Variants in AGBL4 observed in about 807,000 individuals in gnomAD.
AGBL4 encodes AGBL carboxypeptidase 4.
Under a neutral mutation model 66.4 loss-of-function variants are expected in AGBL4, and 58 were observed. That is an observed-to-expected ratio of 0.87 (90% CI 0.71 to 1.09). The LOEUF is 1.09. AGBL4 is among the 50% of genes least tolerant of loss of function. The probability of loss-of-function intolerance (pLI) is 0.00; values close to 1 mark genes in which losing one functional copy is unlikely to be tolerated. For synonymous variants in AGBL4, 234 were observed against 222.9 expected, an observed-to-expected ratio of 1.05 and a Z score of -0.44; for missense variants, 579 against 631.0, an observed-to-expected ratio of 0.92 and a Z score of 0.88.
intron 6 of AGBL4, among the ~76,000 whole-genome samples, chr1:48,836,065 A>T (rs556607240): frequency 6.6e-6 from 1 of 152,168 alleles, no homozygotes; most frequent in South Asian, 2.1e-4. Context: ...GGACTATTGC[A>T]GTAGTTCAGA....
intron 4 of AGBL4, among the ~76,000 whole-genome samples, chr1:49,072,908 T>G (rs145129156): frequency 0.063 from 9,543 of 152,260 alleles, 863 homozygotes; most frequent in African/African-American, 0.21. Flanking sequence ...TCTTTTCACA[T>G]AGTCCCATAT....
chr1:49,577,812 A>T (rs1644465712), intron 3 of AGBL4, among the ~76,000 whole-genome samples: 1 of 152,234 alleles, frequency 6.6e-6, no homozygotes, highest in Non-Finnish European at 1.5e-5. Flanking sequence ...AGTCACAATT[A>T]CAATGCCAAC....
intron 1 of AGBL4, among the ~76,000 whole-genome samples, chr1:49,887,199 A>G (rs546495782): frequency 4.1e-4 from 61 of 149,622 alleles, no homozygotes; most frequent in East Asian, 1.4e-3. Context: ...ATGTGTATGT[A>G]TATATATATA....
At chr1:49,727,321 C>A (rs1406012330) in intron 2 of AGBL4, among the ~76,000 whole-genome samples, 1 of 152,040 alleles carries the variant, frequency 6.6e-6, no homozygotes, top group Non-Finnish European at 1.5e-5. Context: ...CTAAATTTTT[C>A]TTTCCACAAG....
chr1:49,135,560 G>A (rs1645994673), intron 4 of AGBL4, among the ~76,000 whole-genome samples: 1 of 152,120 alleles, frequency 6.6e-6, no homozygotes, highest in Non-Finnish European at 1.5e-5. Flanking sequence ...CATTAGCATT[G>A]TTTCTACAGA....
intron 3 of AGBL4, among the ~76,000 whole-genome samples, chr1:49,430,148 C>T (rs1354938674): frequency 6.6e-6 from 1 of 152,032 alleles, no homozygotes; most frequent in African/African-American, 2.4e-5. Context: ...ACACCATGCC[C>T]GGCCACATAT....
At chr1:49,759,279 C>A (rs1652127603) in intron 2 of AGBL4, among the ~76,000 whole-genome samples, 1 of 152,170 alleles carries the variant, frequency 6.6e-6, no homozygotes, top group Non-Finnish European at 1.5e-5. Flanking sequence ...CTGTAGTTTT[C>A]TTCACTAAAA....
chr1:49,690,137 T>C (rs892246389), intron 3 of AGBL4, among the ~76,000 whole-genome samples: 3 of 152,214 alleles, frequency 2.0e-5, no homozygotes, highest in Non-Finnish European at 4.4e-5. Flanking sequence ...AATTTTTTTT[T>C]TGCAATAAAG....
At chr1:48,818,805 C>T (rs1221851742) in intron 6 of AGBL4, among the ~76,000 whole-genome samples, 7 of 151,736 alleles carry the variant, frequency 4.6e-5, no homozygotes, top group South Asian at 2.1e-4. Flanking sequence ...AATATAGCAA[C>T]GGTGATAGTT....
intron 2 of AGBL4, among the ~76,000 whole-genome samples, chr1:49,824,426 T>C (rs1645453889): frequency 1.3e-5 from 2 of 152,202 alleles, no homozygotes; most frequent in South Asian, 2.1e-4. Flanking sequence ...TGTTTGAGCC[T>C]CACGATTTGT....
In AGBL4 at chr1:49,877,327, C is replaced by T. The variant is rs950150409; in HGVS notation, c.35-25809G>A. Among the ~76,000 whole-genome samples, 30 of 151,744 alleles carry T rather than the reference C, an allele frequency of 2.0e-4. 1 individual carries two copies. Among genetic ancestry groups the T allele is most frequent in the African/African-American group, 7.0e-4 (29 of 41,216 alleles). The stretch of plus-strand genomic sequence containing the variant: ...AGATAGCTCTTATTATTTTGAAATA[C>T]GTCCCATCAATACCTAATTTATTGA... On this transcript the variant is annotated intron_variant, in intron 1 of 13. Transcript: ENST00000371839.
chr1:49,077,180 C>A (rs896124741), intron 4 of AGBL4, among the ~76,000 whole-genome samples: 8 of 149,014 alleles, frequency 5.4e-5, no homozygotes, highest in African/African-American at 2.1e-4. Flanking sequence ...ACAACCAGCA[C>A]CTATCACATA....
At chr1:49,745,461 A>G (rs1232514834) in intron 2 of AGBL4, among the ~76,000 whole-genome samples, 3 of 152,044 alleles carry the variant, frequency 2.0e-5, no homozygotes, top group African/African-American at 7.2e-5. Context: ...TTGTAAGTCT[A>G]TATGTATAAG....
At chr1:49,348,057 T>A (rs942073784) in intron 3 of AGBL4, among the ~76,000 whole-genome samples, 1 of 152,028 alleles carries the variant, frequency 6.6e-6, no homozygotes, top group Non-Finnish European at 1.5e-5. Flanking sequence ...TAGTTAGAGA[T>A]CTTGAGGTTG....
rs1255151857 is a variant in AGBL4 at position 48,653,337 on chromosome 1, C to G, written c.839G>C (p.Arg280Thr). Reference sequence around the variant, plus strand: ...CCAAGCATTCTCCCCAATTCCTTACCTGTAATTGCCCAGGTAGACTCCATC... The same window carrying G: ...CCAAGCATTCTCCCCAATTCCTTACGTGTAATTGCCCAGGTAGACTCCATC... Reference protein sequence around the residue: ...NPDGVYLGNYRCSLMGFDLNR... With the variant: ...NPDGVYLGNYTCSLMGFDLNR... The change falls in exon 8 of 14, where the codon AGG becomes ACG. Residue 280 changes from arginine (R) to threonine (T), a missense_variant and splice_region_variant. Coordinates refer to ENST00000371839, the MANE Select transcript of AGBL4 (RefSeq NM_032785.4). 2 of 1,567,466 alleles carry G rather than the reference C, an allele frequency of 1.3e-6. No individual in the cohort carries two copies. Among genetic ancestry groups the G allele is most frequent in the Non-Finnish European group, 1.7e-6 (2 of 1,154,556 alleles).
chr1:49,214,680 A>G (rs1648937558), intron 4 of AGBL4, among the ~76,000 whole-genome samples: 1 of 152,128 alleles, frequency 6.6e-6, no homozygotes, highest in Admixed American at 6.6e-5. Context: ...CCTTATATCC[A>G]GACACGTTGG....
intron 3 of AGBL4, among the ~76,000 whole-genome samples, chr1:49,384,853 G>A (rs950402583): frequency 1.3e-5 from 2 of 151,994 alleles, no homozygotes; most frequent in Non-Finnish European, 2.9e-5. Flanking sequence ...CACACTTCTG[G>A]GCATATATCC....
At chr1:49,661,322 T>C (rs2124491576) in intron 3 of AGBL4, among the ~76,000 whole-genome samples, 1 of 152,254 alleles carries the variant, frequency 6.6e-6, no homozygotes, top group African/African-American at 2.4e-5. Flanking sequence ...AAGTCTCATG[T>C]TGAAATGTGA....
At chr1:48,653,483 A>C (rs1365217676) in intron 7 of AGBL4, 32 bp from the exon 8 acceptor site, 1 of 1,437,286 alleles carries the variant, frequency 7.0e-7, no homozygotes, top group South Asian at 1.3e-5. Flanking sequence ...GTTTAACAAC[A>C]AAGCATTTCA....
Sources: gnomAD v4.1 joint callset for allele counts (sites outside exome capture counted in the v4.1 genomes callset) on GRCh38, gnomAD v4.1.1 for gene constraint, MANE v1.5 for transcripts, NCBI Gene and HGNC (gene_info 2026-07-23, HGNC 2026-07-21) for gene names.